NOL10: variants seen among roughly 807,000 people sequenced by gnomAD.
NOL10 encodes H_NH0074G24.1.
A neutral mutation model predicts 103.5 loss-of-function variants in NOL10; 58 were observed. The ratio of observed to expected loss-of-function variants is 0.56; its 90% CI spans 0.45 to 0.70. The LOEUF is 0.70. Ranked by LOEUF, NOL10 falls within the 30% of genes least tolerant of loss-of-function variation. NOL10 has a pLI of 0.00. For synonymous variants in NOL10, 287 were observed against 282.5 expected (o/e 1.02, Z -0.16); for missense variants, 763 against 807.3 (o/e 0.95, Z 0.67).
Position 10,607,237 on chromosome 2 carries a change from G to A in NOL10, c.1101C>T (p.Ser367=), listed in dbSNP as rs1261271519. The A allele has an allele frequency of 6.2e-7, 1 of 1,607,706 alleles. No individual in the cohort carries two copies. The highest frequency in any genetic ancestry group is 1.1e-5 in the South Asian group (1 of 90,080). ...CAAATTTATAATCATCATAGACTGT[G>A]CTTTCTGGATTCTCTTCTAATTCTT... ...LTEELEENPE[S]TVYDDYKFVT... The change falls in exon 14 of 21, where the codon AGC becomes AGT. Residue 367 remains serine (S), a synonymous_variant. Coordinates refer to ENST00000381685, the MANE Select transcript of NOL10 (RefSeq NM_024894.4).
chr2:10,631,386 A>G (rs1677829196), intron 13 of NOL10, among the ~76,000 whole-genome samples: 1 of 152,240 alleles, frequency 6.6e-6, no homozygotes, highest in South Asian at 2.1e-4. Context: ...AACATACAAT[A>G]AGGCTGTCAT....
chr2:10,616,377 G>A (rs113432770), intron 13 of NOL10, among the ~76,000 whole-genome samples: 2,055 of 151,326 alleles, frequency 0.014, 59 homozygotes, highest in African/African-American at 0.047. Context: ...GTGCCACTAC[G>A]CCTGGCTAAT....
In NOL10 at chr2:10,589,642, G is replaced by A; in HGVS notation, c.1532C>T (p.Ser511Leu). The change falls in exon 18 of 21, where the codon TCA becomes TTA. Residue 511 changes from serine to leucine, a missense_variant. Ser to Leu is a moderately radical substitution (Grantham distance 145, BLOSUM62 -2). Coordinates refer to ENST00000381685, the MANE Select transcript of NOL10 (RefSeq NM_024894.4). Reference sequence around the variant, plus strand: ...CTTCTTCCTTTTTTCACTAATTTTTGAAACAAGTGGATTCAGAAGCCTAAA... The same window carrying A: ...CTTCTTCCTTTTTTCACTAATTTTTAAAACAAGTGGATTCAGAAGCCTAAA... ...EEFRLLNPLV[S>L]KISEKRKKKL... 1.3e-6 allele frequency: 2 copies of A among 1,586,894 alleles called. No homozygotes were observed. The highest frequency in any genetic ancestry group is 8.5e-7 in the Non-Finnish European group (1 of 1,169,786).
At chr2:10,592,390 G>C (rs191034149) in intron 17 of NOL10, among the ~76,000 whole-genome samples, 1 of 152,144 alleles carries the variant, frequency 6.6e-6, no homozygotes, top group Non-Finnish European at 1.5e-5. Flanking sequence ...AAGAAATCAC[G>C]CTCCATTTAG....
rs548313810 is a variant in NOL10 at position 10,602,772 on chromosome 2, T to G, written c.1332+4A>C. The G allele has an allele frequency of 5.1e-5, 79 of 1,551,062 alleles. 1 individual carries two copies. In the South Asian group the frequency reaches 8.9e-4, roughly 18 times the overall value. On this transcript the variant is annotated splice_donor_region_variant and intron_variant, in intron 16 of 20. Transcript: ENST00000381685. ...ATAAATTCAATGGTAAGTATAATAT[T>G]TACCTTTAACTGGACTCTCTGTGCA...
At chr2:10,636,140 G>A (rs888980131) in intron 13 of NOL10, among the ~76,000 whole-genome samples, 5 of 151,880 alleles carry the variant, frequency 3.3e-5, no homozygotes, top group African/African-American at 9.7e-5. Context: ...TACCCGCCTC[G>A]GCCTCCCAAA....
chr2:10,681,985 T>C lies in NOL10; in HGVS notation c.197A>G (p.Tyr66Cys). 6.9e-6 allele frequency: 10 copies of C among 1,456,862 alleles called. No individual in the cohort carries two copies. The highest frequency in any genetic ancestry group is 1.6e-5 in the South Asian group (1 of 61,972). The allele number at this position is 1,456,862 out of a possible 1,614,324, so 90.2% of individuals were successfully genotyped here. A position where few individuals can be genotyped will look rare whatever the true frequency, so the allele number is the denominator to read the frequency against. ...TTIKVSKDGQ[Y>C]ILATGTYKPR... Reference sequence around the variant, plus strand: ...AAGATGCTTACCAGTTGCTAAAATGTACTGTCCATCTTTTGACACCTTAAT... The same window carrying C: ...AAGATGCTTACCAGTTGCTAAAATGCACTGTCCATCTTTTGACACCTTAAT... The change falls in exon 3 of 21, where the codon TAC becomes TGC. Residue 66 changes from tyrosine to cysteine, a missense_variant. Tyr to Cys is a radical substitution (Grantham distance 194). Coordinates refer to ENST00000381685, the MANE Select transcript of NOL10 (RefSeq NM_024894.4).
intron 13 of NOL10, among the ~76,000 whole-genome samples, chr2:10,643,458 C>T (rs1182557318): frequency 6.6e-6 from 1 of 152,044 alleles, no homozygotes; most frequent in Non-Finnish European, 1.5e-5. Flanking sequence ...CAACTTTATA[C>T]TATGTGTTTT....
At chr2:10,661,294 C>T (rs12475662) in intron 9 of NOL10, among the ~76,000 whole-genome samples, 35,417 of 149,932 alleles carry the variant, frequency 0.24, 5,188 homozygotes, top group Non-Finnish European at 0.33. Flanking sequence ...AGGCTGGTCT[C>T]AAACTCCCGA....
At chr2:10,615,807 T>C (rs888360469) in intron 13 of NOL10, among the ~76,000 whole-genome samples, 3 of 151,990 alleles carry the variant, frequency 2.0e-5, no homozygotes, top group African/African-American at 4.8e-5. Flanking sequence ...GGGGGAACAA[T>C]GGAGCTGATG....
Position 10,659,200 on chromosome 2 carries a change from G to A in NOL10, c.728C>T (p.Thr243Ile), listed in dbSNP as rs2148318434. The A allele has an allele frequency of 2.5e-6, 4 of 1,605,086 alleles. No homozygotes were observed. The East Asian group carries it at 8.9e-5, about 36-fold the overall frequency. ...ISALKFNGAL[T>I]MAVGTTTGQV... ...CCCTGTGGTTGTTCCAACTGCCATGGTCAAGGCACCATTAAATTTCAAAGC... is the reference window on the plus strand; with the variant it reads ...CCCTGTGGTTGTTCCAACTGCCATGATCAAGGCACCATTAAATTTCAAAGC... The change falls in exon 10 of 21, where the codon ACC becomes ATC. Residue 243 changes from threonine to isoleucine, a missense_variant. Transcript: ENST00000381685.
chr2:10,615,497 TAAACACCAAATTAAAAC>T (rs1232321001), intron 13 of NOL10, among the ~76,000 whole-genome samples: 2 of 152,210 alleles, frequency 1.3e-5, no homozygotes, highest in Admixed American at 1.3e-4. Context: ...AGCAAACATT[TAAACACCAAATTAAAAC>T]TGATGTTAAG....
At chr2:10,584,219 T>C (rs1674906876) in intron 19 of NOL10, among the ~76,000 whole-genome samples, 1 of 152,178 alleles carries the variant, frequency 6.6e-6, no homozygotes. Flanking sequence ...TATGCTCCTT[T>C]CCCATGAGCG....
chr2:10,678,259 T>G (rs1337390857), intron 3 of NOL10, among the ~76,000 whole-genome samples: 1 of 151,606 alleles, frequency 6.6e-6, no homozygotes, highest in Non-Finnish European at 1.5e-5. Context: ...GCTGTGTTGC[T>G]CAAGCTGGTC....
At chr2:10,654,570 A>G (rs903040862) in intron 11 of NOL10, 23 bp from the exon 12 acceptor site, 5 of 1,514,396 alleles carry the variant, frequency 3.3e-6, no homozygotes, top group Non-Finnish European at 4.5e-6. Flanking sequence ...AGCAAAAACG[A>G]AGTATTAAAA....
intron 13 of NOL10, among the ~76,000 whole-genome samples, chr2:10,614,544 A>G (rs985719538): frequency 2.6e-5 from 4 of 152,226 alleles, no homozygotes; most frequent in African/African-American, 9.6e-5. Context: ...AAATCATATT[A>G]ACATCTCTGC....
chr2:10,597,718 C>G (rs1212176352), intron 17 of NOL10, among the ~76,000 whole-genome samples: 2 of 152,176 alleles, frequency 1.3e-5, no homozygotes, highest in African/African-American at 4.8e-5. Context: ...ATTAGGGGCA[C>G]ATTTTACAAA....
rs1558270644 is a variant in NOL10, at chr2:10,587,204, C to CACATATATATACACATATATAT, written c.1844+1838_1844+1839insATATATATGTGTATATATATGT. Reference sequence around the variant, plus strand: ...ACACATATATATACACATATATATACACATATATATATACATATATATACA... The same window carrying CACATATATATACACATATATAT: ...ACACATATATATACACATATATATACACATATATATACACATATATATACATATATATATACATATATATACA... On this transcript the variant is annotated intron_variant, in intron 19 of 20. Coordinates refer to ENST00000381685, the MANE Select transcript of NOL10 (RefSeq NM_024894.4). Among the ~76,000 whole-genome samples, 84 of 34,404 alleles carry CACATATATATACACATATATAT rather than the reference C, an allele frequency of 2.4e-3. 20 individuals carry two copies. In the South Asian group the frequency reaches 0.046, roughly 19 times the overall value. 22.6% of individuals were successfully genotyped at this position (34,404 alleles called of 152,430 possible). A position where few individuals can be genotyped will look rare whatever the true frequency, so the allele number is the denominator to read the frequency against.
chr2:10,685,496 C>A lies in NOL10; in HGVS notation c.67-884G>T, dbSNP rs1416919973. 1.2e-3 allele frequency among the ~76,000 whole-genome samples: 22 copies of A among 18,708 alleles called. 1 individual carries two copies. Among genetic ancestry groups the A allele is most frequent in the Non-Finnish European group, 2.1e-3 (9 of 4,374 alleles). The allele number at this position is 18,708 out of a possible 152,430, so 12.3% of individuals were successfully genotyped here. A position where few individuals can be genotyped will look rare whatever the true frequency, so the allele number is the denominator to read the frequency against. On this transcript the variant is annotated intron_variant, in intron 1 of 20. Coordinates refer to ENST00000381685, the MANE Select transcript of NOL10 (RefSeq NM_024894.4). ...GACTGAGAGAGACTCCGTCCCCCCC[C>A]CCCCCCCCCCCGCCAAAAAAAAAGA...
Sources: gnomAD v4.1 joint callset for allele counts (sites outside exome capture counted in the v4.1 genomes callset) on GRCh38, gnomAD v4.1.1 for gene constraint, MANE v1.5 for transcripts, NCBI Gene and HGNC (gene_info 2026-07-23, HGNC 2026-07-21) for gene names.